PIP5K1B: variants seen among roughly 807,000 people sequenced by gnomAD.
PIP5K1B encodes the protein phosphatidylinositol-4-phosphate 5-kinase type 1 beta.
A neutral mutation model predicts 67.0 loss-of-function variants in PIP5K1B; 42 were observed. That is an observed-to-expected ratio of 0.63 (90% CI 0.49 to 0.81). The LOEUF is 0.81. PIP5K1B is among the 30% of genes least tolerant of loss of function. The pLI, the probability that PIP5K1B is intolerant of heterozygous loss-of-function variation, is 0.00. For missense variants in PIP5K1B, 459 were observed against 646.3 expected, an observed-to-expected ratio of 0.71 and a Z score of 3.14; for synonymous variants, 214 against 231.4, an observed-to-expected ratio of 0.92 and a Z score of 0.68.
chr9:68,937,097 T>G (rs1249404090), intron 13 of PIP5K1B, among the ~76,000 whole-genome samples: 5 of 152,126 alleles, frequency 3.3e-5, no homozygotes, highest in African/African-American at 1.2e-4. Flanking sequence ...TCTGCCAGAT[T>G]TTGGTATCAG....
At chr9:68,893,117 C>T (rs1422156810) in intron 7 of PIP5K1B, among the ~76,000 whole-genome samples, 1 of 151,666 alleles carries the variant, frequency 6.6e-6, no homozygotes, top group African/African-American at 2.4e-5. Context: ...ATTTATATAA[C>T]CAAAAATACC....
intron 2 of PIP5K1B, among the ~76,000 whole-genome samples, chr9:68,805,912 T>C (rs1452426625): frequency 6.6e-6 from 1 of 152,184 alleles, no homozygotes; most frequent in Admixed American, 6.5e-5. Flanking sequence ...GGCTAGACAT[T>C]ACACAGCTGG....
Position 68,991,263 on chromosome 9 carries a change from T to G in PIP5K1B, c.1620+6T>G. The G allele has an allele frequency of 6.6e-7, 1 of 1,520,844 alleles. No homozygotes were observed. The highest frequency in any genetic ancestry group is 1.1e-5 in the South Asian group (1 of 89,076). The allele number at this position is 1,520,844 out of a possible 1,614,324, so 94.2% of individuals were successfully genotyped here. A position where few individuals can be genotyped will look rare whatever the true frequency, so the allele number is the denominator to read the frequency against. On this transcript the variant is annotated splice_donor_region_variant and intron_variant, in intron 15 of 15. Coordinates refer to ENST00000265382, the MANE Select transcript of PIP5K1B (RefSeq NM_003558.4). ...CTGTGCTTGACGTCTATTTAGTAAG[T>G]AATTTTTTAGTTTCCTCTCCTCCAC... is the stretch of plus-strand genomic sequence containing the variant.
At chr9:68,906,200 G>T (rs1442225731) in intron 8 of PIP5K1B, among the ~76,000 whole-genome samples, 1 of 151,914 alleles carries the variant, frequency 6.6e-6, no homozygotes, top group East Asian at 1.9e-4. Flanking sequence ...TGTATTTTTT[G>T]TAGAGAAAGG....
At chr9:68,746,826 T>C (rs1349316226) in intron 2 of PIP5K1B, among the ~76,000 whole-genome samples, 1 of 152,172 alleles carries the variant, frequency 6.6e-6, no homozygotes, top group Non-Finnish European at 1.5e-5. Context: ...CCAGAATCTA[T>C]CTTGCATGGT....
chr9:68,732,490 G>A (rs947438856), intron 1 of PIP5K1B, among the ~76,000 whole-genome samples: 2 of 152,128 alleles, frequency 1.3e-5, no homozygotes, highest in Non-Finnish European at 2.9e-5. Flanking sequence ...CGGTGTTAGG[G>A]ATCAACCACA....
At chr9:69,004,340 TG>T (rs1830969541) in intron 15 of PIP5K1B, among the ~76,000 whole-genome samples, 2 of 42,748 alleles carry the variant, frequency 4.7e-5, no homozygotes, top group African/African-American at 1.9e-4. Flanking sequence ...TGTGTTTTTG[TG>T]TGTGTGTGTG....
intron 4 of PIP5K1B, among the ~76,000 whole-genome samples, chr9:68,850,609 T>C (rs564628887): frequency 6.6e-6 from 1 of 152,356 alleles, no homozygotes; most frequent in South Asian, 2.1e-4. Flanking sequence ...ATAAGCATTG[T>C]GTTATTTCCC....
chr9:68,917,156 C>G (rs955481732), intron 8 of PIP5K1B, among the ~76,000 whole-genome samples: 1 of 152,184 alleles, frequency 6.6e-6, no homozygotes, highest in African/African-American at 2.4e-5. Flanking sequence ...CCTTATCTCT[C>G]TGTGCCTCCA....
At chr9:68,829,300 T>C (rs1375860077) in intron 4 of PIP5K1B, among the ~76,000 whole-genome samples, 1 of 152,150 alleles carries the variant, frequency 6.6e-6, no homozygotes, top group Non-Finnish European at 1.5e-5. Context: ...AGCAAACTCG[T>C]TTGTGCTAAG....
intron 1 of PIP5K1B, among the ~76,000 whole-genome samples, chr9:68,719,263 C>T (rs1827773269): frequency 6.6e-6 from 1 of 152,130 alleles, no homozygotes. Context: ...TTAAGTTAAA[C>T]ATAGTGGCAA....
chr9:68,733,972 ATATT>A (rs1018618824), intron 1 of PIP5K1B, among the ~76,000 whole-genome samples: 15 of 152,094 alleles, frequency 9.9e-5, no homozygotes, highest in African/African-American at 3.6e-4. Context: ...TTTAACTAGT[ATATT>A]TATTAGGAGG....
chr9:68,954,798 A>G (rs1220125159), intron 14 of PIP5K1B, among the ~76,000 whole-genome samples: 2 of 152,194 alleles, frequency 1.3e-5, no homozygotes, highest in Middle Eastern at 3.2e-3. Context: ...ACATGTGGGA[A>G]CAAACAGGGT....
chr9:68,884,908 CA>C (rs758966537), intron 6 of PIP5K1B, among the ~76,000 whole-genome samples: 1 of 152,116 alleles, frequency 6.6e-6, no homozygotes, highest in Non-Finnish European at 1.5e-5. Flanking sequence ...GGAGGTTCCT[CA>C]AATAGCTAAA....
At chr9:68,951,291 T>G (rs2132688244) in intron 14 of PIP5K1B, among the ~76,000 whole-genome samples, 1 of 152,344 alleles carries the variant, frequency 6.6e-6, no homozygotes, top group South Asian at 2.1e-4. Flanking sequence ...TAATGCAAAT[T>G]TCATCCTGAA....
At chr9:68,781,505 TA>T (rs2132459577) in intron 2 of PIP5K1B, 1 of 169,638 alleles carries the variant, frequency 5.9e-6, no homozygotes, top group African/African-American at 2.4e-5. Flanking sequence ...AAAAATACGT[TA>T]GTTATATCTA....
chr9:68,751,832 T>C (rs1829648858), intron 2 of PIP5K1B, among the ~76,000 whole-genome samples: 1 of 152,204 alleles, frequency 6.6e-6, no homozygotes, highest in Admixed American at 6.5e-5. Flanking sequence ...TTACACAACA[T>C]TGTGAACATA....
At chr9:68,859,131 C>G (rs1213763245) in intron 4 of PIP5K1B, among the ~76,000 whole-genome samples, 1 of 152,206 alleles carries the variant, frequency 6.6e-6, no homozygotes, top group Admixed American at 6.5e-5. Flanking sequence ...CTCCTGGAGC[C>G]ACGGTTTCCT....
intron 1 of PIP5K1B, among the ~76,000 whole-genome samples, chr9:68,737,399 G>C (rs1462132007): frequency 6.6e-6 from 1 of 152,188 alleles, no homozygotes; most frequent in Non-Finnish European, 1.5e-5. Context: ...GCTTAAGTAA[G>C]GGCATAAGGC....
Sources: allele counts gnomAD v4.1 joint callset (sites outside exome capture counted in the v4.1 genomes callset), GRCh38; gene constraint gnomAD v4.1.1; transcripts MANE v1.5; gene names NCBI Gene and HGNC (gene_info 2026-07-23, HGNC 2026-07-21).